The following ANO6 variants were observed in gnomAD, a reference collection of about 807,000 sequenced individuals.
The protein encoded by ANO6 is anoctamin 6, also known as anoctamin-6.
ANO6 carries 106 observed loss-of-function variants against 117.5 expected under a neutral mutation model. That is an observed-to-expected ratio of 0.90 (90% CI 0.77 to 1.06). ANO6 has a LOEUF of 1.06. Ranked by LOEUF, ANO6 falls within the 50% of genes least tolerant of loss-of-function variation. The probability of loss-of-function intolerance (pLI) is 0.00; values close to 1 mark genes in which losing one functional copy is unlikely to be tolerated. For synonymous variants in ANO6, 367 were observed against 385.1 expected, an observed-to-expected ratio of 0.95 and a Z score of 0.55; for missense variants, 955 against 1,121.1, an observed-to-expected ratio of 0.85 and a Z score of 2.12.
Position 45,348,168 on chromosome 12 carries a change from C to T in ANO6, c.486C>T (p.Asn162=), listed in dbSNP as rs769905229. 1 of 1,614,120 alleles carries T rather than the reference C, an allele frequency of 6.2e-7. No homozygotes were observed. The change falls in exon 5 of 20, where the codon AAC becomes AAT. Residue 162 remains asparagine (N), a synonymous_variant. Coordinates refer to ENST00000320560, the MANE Select transcript of ANO6 (RefSeq NM_001025356.3). ...KNRSSAFGTL[N]WFTKVLSVDE... is the part of the protein sequence containing the mutation. ...GGTCCTCAGCCTTTGGTACACTCAA[C>T]TGGTTTACCAAAGTCCTCAGTGTAG...
chr12:45,311,875 C>G (rs1016170469), intron 2 of ANO6, among the ~76,000 whole-genome samples: 1 of 151,916 alleles, frequency 6.6e-6, no homozygotes, highest in Non-Finnish European at 1.5e-5. Context: ...GACATCTCAC[C>G]CTATTGAGTT....
chr12:45,246,629 C>G (rs974872118), intron 1 of ANO6, among the ~76,000 whole-genome samples: 1 of 152,012 alleles, frequency 6.6e-6, no homozygotes, highest in Non-Finnish European at 1.5e-5. Flanking sequence ...TAATGTGGTC[C>G]GAATGTAGAC....
At chr12:45,393,146 C>T (rs1942502716) in intron 12 of ANO6, among the ~76,000 whole-genome samples, 2 of 152,240 alleles carry the variant, frequency 1.3e-5, no homozygotes, top group South Asian at 4.2e-4. Flanking sequence ...GTAGAGAAGA[C>T]CTTAAATGAC....
intron 12 of ANO6, among the ~76,000 whole-genome samples, chr12:45,397,965 T>C (rs933563042): frequency 5.0e-5 from 5 of 100,406 alleles, no homozygotes; most frequent in African/African-American, 1.8e-4. Flanking sequence ...ACGTGTACCC[T>C]AGAACTTAAA....
At chr12:45,312,070 A>G (rs1300601657) in intron 2 of ANO6, among the ~76,000 whole-genome samples, 1 of 151,968 alleles carries the variant, frequency 6.6e-6, no homozygotes, top group African/African-American at 2.4e-5. Context: ...ATGAATTCCC[A>G]CCCCACAAAG....
At chr12:45,279,946 A>G (rs1938669084) in intron 1 of ANO6, among the ~76,000 whole-genome samples, 1 of 152,240 alleles carries the variant, frequency 6.6e-6, no homozygotes, top group Non-Finnish European at 1.5e-5. Context: ...TTTCATGAAC[A>G]AGAGCTGTTA....
chr12:45,354,092 CTGAAGAACTGAACATCA>C lies in ANO6; in HGVS notation c.864-3194_864-3178del, dbSNP rs1389177152. On this transcript the variant is annotated intron_variant, in intron 7 of 19. Coordinates refer to ENST00000320560, the MANE Select transcript of ANO6 (RefSeq NM_001025356.3). ...CTGAGAAGTACTTCCAGAGAAGTAT[CTGAAGAACTGAACATCA>C]TGAGTCTCTAGGTGGAAAGAGCCTG... 2.0e-5 allele frequency among the ~76,000 whole-genome samples: 3 copies of C among 152,100 alleles called. No homozygotes were observed. The East Asian group carries it at 5.8e-4, about 29-fold the overall frequency.
At chr12:45,318,300 A>G (rs937542294) in intron 2 of ANO6, among the ~76,000 whole-genome samples, 1 of 152,156 alleles carries the variant, frequency 6.6e-6, no homozygotes, top group South Asian at 2.1e-4. Context: ...TAATTTTTGT[A>G]TAAGGCGTAA....
chr12:45,321,942 G>A (rs1940288346), intron 2 of ANO6, among the ~76,000 whole-genome samples: 1 of 152,120 alleles, frequency 6.6e-6, no homozygotes, highest in African/African-American at 2.4e-5. Context: ...CATTCTTAAG[G>A]GAAGTGACAA....
At chr12:45,435,426 T>A (rs770927518), downstream of ANO6, among the ~76,000 whole-genome samples, 9 of 152,330 alleles carry the variant, frequency 5.9e-5, no homozygotes, top group South Asian at 2.1e-4. Context: ...TATCTTTGTA[T>A]CAGTCCTCCA....
chr12:45,276,585 C>A (rs1163934790), intron 1 of ANO6, among the ~76,000 whole-genome samples: 1 of 152,174 alleles, frequency 6.6e-6, no homozygotes, highest in Non-Finnish European at 1.5e-5. Flanking sequence ...GTGACCCACC[C>A]TACCCGAAAT....
intron 2 of ANO6, among the ~76,000 whole-genome samples, chr12:45,322,460 G>C (rs1342227045): frequency 6.6e-6 from 1 of 152,182 alleles, no homozygotes; most frequent in Non-Finnish European, 1.5e-5. Flanking sequence ...CCTATAATCA[G>C]ATTATAAGGC....
At chr12:45,426,807 G>A (rs1258684697) in intron 19 of ANO6, among the ~76,000 whole-genome samples, 1 of 151,662 alleles carries the variant, frequency 6.6e-6, no homozygotes, top group Non-Finnish European at 1.5e-5. Context: ...TCTCTCCTTG[G>A]TCTGTTGATG....
rs773140175 is a variant in ANO6 at position 45,429,108 on chromosome 12, G to A, written c.2530G>A (p.Val844Ile). The change falls in exon 20 of 20, where the codon GTC becomes ATC. Residue 844 changes from valine to isoleucine, a missense_variant. Physicochemically the swap from Val to Ile is conservative, Grantham distance 29. Coordinates refer to ENST00000320560, the MANE Select transcript of ANO6 (RefSeq NM_001025356.3). ...KLAFIIVMEHVIYSVKFFISY... is the reference protein window; with the variant it reads ...KLAFIIVMEHIIYSVKFFISY... ...TTTTTCTTCTTCTCTTCCCCAGCAC[G>A]TCATCTACTCTGTGAAATTTTTCAT... is the stretch of plus-strand genomic sequence containing the variant. 13 of 1,613,078 alleles carry A rather than the reference G, an allele frequency of 8.1e-6. No homozygotes were observed. Among genetic ancestry groups the A allele is most frequent in the East Asian group, 2.2e-5 (1 of 44,826 alleles).
At chr12:45,221,710 A>G (rs1947402072) in intron 1 of ANO6, among the ~76,000 whole-genome samples, 1 of 152,062 alleles carries the variant, frequency 6.6e-6, no homozygotes, top group Admixed American at 6.6e-5. Flanking sequence ...TGGGTCTGAC[A>G]GCTTTATGAA....
chr12:45,413,318 G>A (rs374140149), intron 16 of ANO6, among the ~76,000 whole-genome samples: 14 of 152,288 alleles, frequency 9.2e-5, no homozygotes, highest in Admixed American at 2.0e-4. Flanking sequence ...GTGTTAAAGC[G>A]GTGAATTGCA....
At chr12:45,346,962 T>C in intron 3 of ANO6, 60 bp from the exon 4 acceptor site, 1 of 1,480,882 alleles carries the variant, frequency 6.8e-7, no homozygotes, top group Non-Finnish European at 9.4e-7. Flanking sequence ...TTTTAAAAAA[T>C]GCCTTTTTCT....
intron 2 of ANO6, among the ~76,000 whole-genome samples, chr12:45,312,225 T>A (rs1939872208): frequency 6.6e-6 from 1 of 152,072 alleles, no homozygotes; most frequent in South Asian, 2.1e-4. Flanking sequence ...CTCATTTGAT[T>A]ATAAGTCATC....
chr12:45,323,175 T>C (rs901692336), intron 2 of ANO6, among the ~76,000 whole-genome samples: 4 of 152,206 alleles, frequency 2.6e-5, no homozygotes, highest in African/African-American at 9.6e-5. Context: ...TCTTAACATA[T>C]TCTATTCTTT....
Sources: gnomAD v4.1 joint callset for allele counts (sites outside exome capture counted in the v4.1 genomes callset) on GRCh38, gnomAD v4.1.1 for gene constraint, MANE v1.5 for transcripts, NCBI Gene and HGNC (gene_info 2026-07-23, HGNC 2026-07-21) for gene names.